The following TRPC7 variants were observed in gnomAD, a reference collection of about 807,000 sequenced individuals.
TRPC7 encodes transient receptor potential cation channel subfamily C member 7, also known as short transient receptor potential channel 7.
A neutral mutation model predicts 90.1 loss-of-function variants in TRPC7; 42 were observed. The observed-to-expected ratio is 0.47, with a 90% CI of 0.36 to 0.60. The LOEUF (loss-of-function observed/expected upper bound fraction) is 0.60, where lower values mean the gene tolerates loss of function less well. TRPC7 is among the 20% of genes least tolerant of loss of function. The pLI is 0.00. For synonymous variants in TRPC7, 451 were observed against 436.3 expected (o/e 1.03, Z -0.42); for missense variants, 955 against 1,112.3 (o/e 0.86, Z 2.01).
In TRPC7 at chr5:136,356,594, AGT is replaced by A. The variant is rs1335582083; in HGVS notation, c.780+12_780+13del. The A allele has an allele frequency of 3.6e-5, 54 of 1,521,056 alleles. No individual in the cohort carries two copies. The highest frequency in any genetic ancestry group is 4.6e-5 in the Non-Finnish European group (52 of 1,133,978). The allele number at this position is 1,521,056 out of a possible 1,614,324, so 94.2% of individuals were successfully genotyped here. A position where few individuals can be genotyped will look rare whatever the true frequency, so the allele number is the denominator to read the frequency against. On this transcript the variant is annotated intron_variant, in intron 2 of 11. Transcript: ENST00000513104. The stretch of plus-strand genomic sequence containing the variant: ...TGGGCAACCTGCCTGCAGGGTGCTA[AGT>A]GGAAGAGTTACCTTAAATTCAGTCT...
intron 1 of TRPC7, among the ~76,000 whole-genome samples, chr5:136,359,105 A>G (rs1280794967): frequency 6.6e-6 from 1 of 152,224 alleles, no homozygotes; most frequent in Non-Finnish European, 1.5e-5. Context: ...AAGTTATGCA[A>G]TTAGCCTTGT....
chr5:136,309,085 C>G (rs1758743151), intron 3 of TRPC7, among the ~76,000 whole-genome samples: 1 of 152,196 alleles, frequency 6.6e-6, no homozygotes, highest in Non-Finnish European at 1.5e-5. Flanking sequence ...AAATGGTCCC[C>G]CATCCCCTCC....
At chr5:136,354,642 C>G (rs1289940825) in intron 2 of TRPC7, among the ~76,000 whole-genome samples, 1 of 152,212 alleles carries the variant, frequency 6.6e-6, no homozygotes, top group Non-Finnish European at 1.5e-5. Context: ...TTCCCAAACT[C>G]TAGTTTTCAT....
At chr5:136,319,253 A>T (rs1407364139) in intron 2 of TRPC7, among the ~76,000 whole-genome samples, 1 of 152,074 alleles carries the variant, frequency 6.6e-6, no homozygotes, top group Non-Finnish European at 1.5e-5. Flanking sequence ...TCACACCTAC[A>T]TGTGTCTCTG....
intron 5 of TRPC7, among the ~76,000 whole-genome samples, chr5:136,252,872 C>A (rs1756567195): frequency 6.6e-6 from 1 of 152,226 alleles, no homozygotes; most frequent in Non-Finnish European, 1.5e-5. Flanking sequence ...AGACTGGTAC[C>A]AGTTGGCGGC....
At chr5:136,242,126 C>T (rs748038464) in intron 7 of TRPC7, among the ~76,000 whole-genome samples, 2 of 152,188 alleles carry the variant, frequency 1.3e-5, no homozygotes, top group African/African-American at 2.4e-5. Flanking sequence ...ACAGTCTGAA[C>T]TGAGAACTTT....
At position 136,266,635 on chromosome 5, in the gene TRPC7, C is replaced by A. The variant is rs534670802; in HGVS notation, c.1129-199G>T. On this transcript the variant is annotated intron_variant, in intron 4 of 11. Transcript: ENST00000513104. ...ACCAAACTTATTTGGTCAATATTTTCCTATTTAGAAGACTTAGTGGGAGGG... is the reference window on the plus strand; with the variant it reads ...ACCAAACTTATTTGGTCAATATTTTACTATTTAGAAGACTTAGTGGGAGGG... Among the ~76,000 whole-genome samples the A allele has an allele frequency of 1.5e-4, 23 of 152,174 alleles. 3 individuals are homozygous for A. The South Asian group carries it at 4.6e-3, about 30-fold the overall frequency.
chr5:136,357,443 C>G (rs1760429614), intron 1 of TRPC7, 58 bp from the exon 2 acceptor site: 6 of 1,499,460 alleles, frequency 4.0e-6, no homozygotes, highest in Non-Finnish European at 5.3e-6. Flanking sequence ...AGCAGTAGAG[C>G]ACACAAAAAT....
chr5:136,256,653 C>CA (rs1364745819), intron 5 of TRPC7, among the ~76,000 whole-genome samples: 5 of 152,196 alleles, frequency 3.3e-5, no homozygotes, highest in African/African-American at 1.2e-4. Flanking sequence ...TTTTAGTCTT[C>CA]AACTCTATTC....
chr5:136,241,854 C>T (rs1333190622), intron 7 of TRPC7, among the ~76,000 whole-genome samples: 1 of 152,206 alleles, frequency 6.6e-6, no homozygotes, highest in Admixed American at 6.5e-5. Context: ...CCGCGCCCAG[C>T]CTAGGCACCC....
At chr5:136,300,991 C>A (rs770345626) in intron 3 of TRPC7, among the ~76,000 whole-genome samples, 2 of 152,182 alleles carry the variant, frequency 1.3e-5, no homozygotes, top group Non-Finnish European at 2.9e-5. Context: ...TGCTCCCACC[C>A]AAAAGAATTG....
chr5:136,342,211 G>C (rs1759867059), intron 2 of TRPC7, among the ~76,000 whole-genome samples: 2 of 152,148 alleles, frequency 1.3e-5, no homozygotes, highest in African/African-American at 4.8e-5. Flanking sequence ...AAGCTGCCTG[G>C]GTCCTGCATG....
At chr5:136,319,117 AAAT>A (rs553342287) in intron 2 of TRPC7, among the ~76,000 whole-genome samples, 156 of 152,170 alleles carry the variant, frequency 1.0e-3, no homozygotes, top group African/African-American at 3.6e-3. Flanking sequence ...CTACTCTCCT[AAAT>A]AGTCATTTCA....
chr5:136,254,765 C>T (rs772170795), intron 5 of TRPC7, among the ~76,000 whole-genome samples: 20 of 152,148 alleles, frequency 1.3e-4, no homozygotes, highest in Non-Finnish European at 2.5e-4. Context: ...GCCATAGCTG[C>T]CATATATGAT....
chr5:136,289,336 A>G (rs1275829974), intron 3 of TRPC7, among the ~76,000 whole-genome samples: 2 of 152,238 alleles, frequency 1.3e-5, no homozygotes, highest in Non-Finnish European at 2.9e-5. Flanking sequence ...GAGCCGAAGC[A>G]GGGCAAGGCA....
At chr5:136,251,971 T>A (rs765439611) in intron 5 of TRPC7, 89 bp from the exon 6 acceptor site, 1 of 1,032,250 alleles carries the variant, frequency 9.7e-7, no homozygotes, top group Admixed American at 1.9e-5. Flanking sequence ...AGAGTACAAA[T>A]GTAAATATCA....
At chr5:136,272,355 G>C (rs1285592154) in intron 4 of TRPC7, among the ~76,000 whole-genome samples, 3 of 152,200 alleles carry the variant, frequency 2.0e-5, no homozygotes, top group African/African-American at 7.2e-5. Context: ...TTGTCACATG[G>C]CAGATGTGAC....
At chr5:136,308,918 T>A (rs866525812) in intron 3 of TRPC7, among the ~76,000 whole-genome samples, 8 of 152,350 alleles carry the variant, frequency 5.3e-5, no homozygotes, top group Admixed American at 2.0e-4. Flanking sequence ...AATAGTTTCA[T>A]CTGCTAGGAG....
At chr5:136,263,530 C>G (rs1383614229) in intron 5 of TRPC7, among the ~76,000 whole-genome samples, 6 of 151,846 alleles carry the variant, frequency 4.0e-5, no homozygotes, top group Admixed American at 3.9e-4. Context: ...AGTTAGGAGT[C>G]AAGACTTCAA....
Sources: gnomAD v4.1 joint callset for allele counts (sites outside exome capture counted in the v4.1 genomes callset) on GRCh38, gnomAD v4.1.1 for gene constraint, MANE v1.5 for transcripts, NCBI Gene and HGNC (gene_info 2026-07-23, HGNC 2026-07-21) for gene names.